The following PLCXD3 variants were observed in gnomAD, a reference collection of about 807,000 sequenced individuals.
PLCXD3 encodes the protein phosphatidylinositol specific phospholipase C X domain containing 3, also known as PI-PLC X domain-containing protein 3.
In PLCXD3, 19 loss-of-function variants were observed where a neutral mutation model predicts 25.5. The ratio of observed to expected loss-of-function variants is 0.75; its 90% CI spans 0.52 to 1.09. The LOEUF is 1.09. Among genes scored for constraint, PLCXD3 ranks in the 50% least tolerant of loss-of-function variants. The probability of loss-of-function intolerance (pLI) is 0.00; values close to 1 mark genes in which losing one functional copy is unlikely to be tolerated. For synonymous variants in PLCXD3, 174 were observed against 137.6 expected, an observed-to-expected ratio of 1.26 and a Z score of -1.85; for missense variants, 411 against 388.1, an observed-to-expected ratio of 1.06 and a Z score of -0.50.
intron 1 of PLCXD3, among the ~76,000 whole-genome samples, chr5:41,401,581 T>A (rs762755299): frequency 1.3e-5 from 2 of 152,088 alleles, no homozygotes; most frequent in Non-Finnish European, 2.9e-5. Context: ...CTGTCTTAAC[T>A]ATTATGATAG....
At chr5:41,447,978 ATC>A (rs1747543175) in intron 1 of PLCXD3, among the ~76,000 whole-genome samples, 2 of 152,226 alleles carry the variant, frequency 1.3e-5, no homozygotes, top group Non-Finnish European at 2.9e-5. Context: ...AATGCCACCA[ATC>A]ATTCATAGAC....
At chr5:41,347,754 C>A in intron 2 of PLCXD3, among the ~76,000 whole-genome samples, 1 of 152,180 alleles carries the variant, frequency 6.6e-6, no homozygotes, top group East Asian at 1.9e-4. Flanking sequence ...ACTCTTAACA[C>A]CAGATCAACT....
chr5:41,505,189 A>G (rs1253491287), intron 1 of PLCXD3, among the ~76,000 whole-genome samples: 11 of 152,090 alleles, frequency 7.2e-5, no homozygotes, highest in Admixed American at 7.2e-4. Flanking sequence ...TGTGGTATCC[A>G]TTTAAGCAAT....
intron 1 of PLCXD3, among the ~76,000 whole-genome samples, chr5:41,428,099 A>C (rs778568743): frequency 2.6e-5 from 4 of 152,038 alleles, no homozygotes; most frequent in Non-Finnish European, 4.4e-5. Flanking sequence ...ATTAAAACCT[A>C]AACTTTGTCT....
rs1232798266 is a variant in PLCXD3 at position 41,311,374 on chromosome 5, A to T, written c.*2243T>A. On this transcript the variant is annotated 3_prime_UTR_variant, in exon 3 of 3. Coordinates refer to ENST00000377801, the MANE Select transcript of PLCXD3 (RefSeq NM_001005473.3). ...AAAAATAATTAAGTCCTACACTAGA[A>T]TTCTTTTACAAAAATACTTTGATGT... 6.6e-6 allele frequency: 1 copy of T among 152,138 alleles called. No homozygotes were observed. The highest frequency in any genetic ancestry group is 1.5e-5 in the Non-Finnish European group (1 of 68,010). The allele number at this position is 152,138 out of a possible 1,614,324, so 9.4% of individuals were successfully genotyped here.
chr5:41,369,025 G>T (rs375594469), intron 2 of PLCXD3, among the ~76,000 whole-genome samples: 1 of 152,142 alleles, frequency 6.6e-6, no homozygotes, highest in African/African-American at 2.4e-5. Flanking sequence ...GGTCTTGTTG[G>T]TCTGTGGACA....
At chr5:41,422,907 T>G (rs1301743292) in intron 1 of PLCXD3, among the ~76,000 whole-genome samples, 2 of 152,156 alleles carry the variant, frequency 1.3e-5, no homozygotes, top group Non-Finnish European at 2.9e-5. Flanking sequence ...AGAGTCCTTT[T>G]CATTGTGAAA....
At chr5:41,315,798 G>A (rs1743271542) in intron 2 of PLCXD3, among the ~76,000 whole-genome samples, 1 of 152,188 alleles carries the variant, frequency 6.6e-6, no homozygotes, top group Non-Finnish European at 1.5e-5. Flanking sequence ...TCCTGCTAGA[G>A]CAGAAATGAA....
intron 2 of PLCXD3, among the ~76,000 whole-genome samples, chr5:41,357,051 C>T (rs1048945653): frequency 5.3e-5 from 8 of 152,202 alleles, no homozygotes; most frequent in Admixed American, 2.6e-4. Flanking sequence ...TAAGCAGACA[C>T]GCTTGACCTA....
At chr5:41,455,469 A>T (rs943149101) in intron 1 of PLCXD3, among the ~76,000 whole-genome samples, 1 of 151,916 alleles carries the variant, frequency 6.6e-6, no homozygotes, top group Non-Finnish European at 1.5e-5. Context: ...ATGGGGTCAG[A>T]TAGCAGGCTA....
chr5:41,381,187 C>T lies in PLCXD3; in HGVS notation c.812+639G>A, dbSNP rs367891236. On this transcript the variant is annotated intron_variant, in intron 2 of 2. Coordinates refer to ENST00000377801, the MANE Select transcript of PLCXD3 (RefSeq NM_001005473.3). ...AAATGGAATTAGGGATATTAAAAGA[C>T]TCTGCAAATGGTAGAGAAAGGATAT... 1.7e-4 allele frequency among the ~76,000 whole-genome samples: 26 copies of T among 152,180 alleles called. No homozygotes were observed. The East Asian group carries it at 4.8e-3, about 28-fold the overall frequency.
At chr5:41,404,803 A>T (rs1746303590) in intron 1 of PLCXD3, among the ~76,000 whole-genome samples, 1 of 152,186 alleles carries the variant, frequency 6.6e-6, no homozygotes, top group African/African-American at 2.4e-5. Context: ...AACATCAAAG[A>T]AAATGTATCA....
intron 1 of PLCXD3, among the ~76,000 whole-genome samples, chr5:41,434,995 C>A (rs1747213736): frequency 6.6e-6 from 1 of 152,112 alleles, no homozygotes; most frequent in Non-Finnish European, 1.5e-5. Flanking sequence ...AGTATAAAAG[C>A]AACATGAAGA....
At chr5:41,352,290 A>G (rs1410464863) in intron 2 of PLCXD3, among the ~76,000 whole-genome samples, 1 of 152,134 alleles carries the variant, frequency 6.6e-6, no homozygotes, top group Non-Finnish European at 1.5e-5. Context: ...TGCCTATTTC[A>G]TTCTTCCTCC....
chr5:41,475,533 T>TTTATCTCTAC (rs768048904), intron 1 of PLCXD3: 5 of 504,054 alleles, frequency 9.9e-6, no homozygotes, highest in East Asian at 1.1e-4. Context: ...TCTATCTCTA[T>TTTATCTCTAC]TTATCTCTAC....
At chr5:41,321,698 A>G (rs1204168124) in intron 2 of PLCXD3, among the ~76,000 whole-genome samples, 1 of 152,228 alleles carries the variant, frequency 6.6e-6, no homozygotes, top group African/African-American at 2.4e-5. Context: ...ATACTAACTA[A>G]CACAGCATGG....
At chr5:41,365,955 T>G (rs978961262) in intron 2 of PLCXD3, among the ~76,000 whole-genome samples, 1 of 147,116 alleles carries the variant, frequency 6.8e-6, no homozygotes, top group Non-Finnish European at 1.5e-5. Flanking sequence ...TTATTTATTT[T>G]ATTATACTTT....
chr5:41,394,673 A>G (rs1014113088), intron 1 of PLCXD3, among the ~76,000 whole-genome samples: 17 of 152,210 alleles, frequency 1.1e-4, no homozygotes, highest in Admixed American at 1.0e-3. Flanking sequence ...CTATACTTAT[A>G]TTAGACAAAA....
intron 2 of PLCXD3, among the ~76,000 whole-genome samples, chr5:41,356,825 C>G (rs746084869): frequency 1.3e-5 from 2 of 152,142 alleles, no homozygotes; most frequent in African/African-American, 2.4e-5. Flanking sequence ...ACTGGGTCAT[C>G]CCTCCTGGAG....
Sources: gnomAD v4.1 joint callset for allele counts (sites outside exome capture counted in the v4.1 genomes callset) on GRCh38, gnomAD v4.1.1 for gene constraint, MANE v1.5 for transcripts, NCBI Gene and HGNC (gene_info 2026-07-23, HGNC 2026-07-21) for gene names.